Variants in CAB39 observed in about 807,000 individuals in gnomAD.
CAB39 encodes calcium binding protein 39.
In CAB39, 8 loss-of-function variants were observed where a neutral mutation model predicts 40.0. The observed-to-expected ratio is 0.20, with a 90% CI of 0.12 to 0.36. The LOEUF (loss-of-function observed/expected upper bound fraction) is 0.36. CAB39 is among the 10% of genes least tolerant of loss of function. The pLI is 1.00. For missense variants in CAB39, 270 were observed against 401.1 expected, an observed-to-expected ratio of 0.67 and a Z score of 2.79; for synonymous variants, 156 against 141.6, an observed-to-expected ratio of 1.10 and a Z score of -0.72.
At chr2:230,755,663 T>G (rs184627960) in intron 1 of CAB39, among the ~76,000 whole-genome samples, 3 of 152,362 alleles carry the variant, frequency 2.0e-5, no homozygotes, top group Non-Finnish European at 4.4e-5. Flanking sequence ...TCTTTATCTT[T>G]GCTTTTATTA....
intron 5 of CAB39, among the ~76,000 whole-genome samples, chr2:230,808,352 AGGGGTGGGG>A (rs1696241463): frequency 6.6e-6 from 1 of 152,116 alleles, no homozygotes; most frequent in Non-Finnish European, 1.5e-5. Flanking sequence ...ACTATTCTTT[AGGGGTGGGG>A]GATTCAGCAG....
intron 5 of CAB39, among the ~76,000 whole-genome samples, chr2:230,806,999 G>T (rs1696207485): frequency 6.6e-6 from 1 of 152,134 alleles, no homozygotes; most frequent in Admixed American, 6.5e-5. Context: ...TGCTTAGTCT[G>T]CTGGACTTGG....
rs1268779530 is a variant in CAB39, at chr2:230,764,999, C to CT, written c.114+4890dup. 3.3e-5 allele frequency among the ~76,000 whole-genome samples: 5 copies of CT among 150,592 alleles called. No homozygotes were observed. In the East Asian group the frequency reaches 9.8e-4, roughly 29 times the overall value. ...TTCCTAAGTTGGACCTTTTTTTTTC[C>CT]TTTTTTGAGACGGAGTCTCGCTCTG... On this transcript the variant is annotated intron_variant, in intron 2 of 8. Transcript: ENST00000258418.
intron 1 of CAB39, among the ~76,000 whole-genome samples, chr2:230,750,708 G>A (rs971081043): frequency 1.3e-5 from 2 of 152,034 alleles, no homozygotes; most frequent in Non-Finnish European, 2.9e-5. Context: ...TTTAGATGTA[G>A]GCTTAAATAG....
At position 230,736,871 on chromosome 2, in the gene CAB39, A is replaced by G. The variant is rs115578881; in HGVS notation, c.-43-23088A>G. ...TTAAATCATTTTTCTGATGCTCTGG[A>G]GCTGTGGAAGTGGCCCTTTATAATG... is the stretch of plus-strand genomic sequence containing the variant. On this transcript the variant is annotated intron_variant, in intron 1 of 8. Transcript: ENST00000258418. 2.5e-3 allele frequency among the ~76,000 whole-genome samples: 379 copies of G among 152,230 alleles called. 2 individuals carry two copies. The highest frequency in any genetic ancestry group is 8.5e-3 in the African/African-American group (354 of 41,556).
At chr2:230,797,106 A>T (rs1199299014) in intron 4 of CAB39, among the ~76,000 whole-genome samples, 2 of 152,248 alleles carry the variant, frequency 1.3e-5, no homozygotes, top group Admixed American at 6.5e-5. Context: ...CAGAGCTTGA[A>T]CAAAGGTGCT....
intron 1 of CAB39, among the ~76,000 whole-genome samples, chr2:230,734,476 C>T (rs1397059795): frequency 6.6e-6 from 1 of 152,132 alleles, no homozygotes. Context: ...TAGTACCACC[C>T]ACTGGAGCTA....
At chr2:230,719,436 A>G (rs1347630985) in intron 1 of CAB39, among the ~76,000 whole-genome samples, 1 of 152,234 alleles carries the variant, frequency 6.6e-6, no homozygotes, top group African/African-American at 2.4e-5. Context: ...GGAGGTTTAT[A>G]AATAGATCCG....
intron 1 of CAB39, among the ~76,000 whole-genome samples, chr2:230,757,300 T>TG (rs1354345921): frequency 2.0e-5 from 3 of 152,094 alleles, no homozygotes; most frequent in Admixed American, 2.0e-4. Flanking sequence ...CTCCCTATGT[T>TG]GCCGAGGCTG....
intron 1 of CAB39, among the ~76,000 whole-genome samples, chr2:230,715,708 T>G (rs990967312): frequency 6.6e-6 from 1 of 152,198 alleles, no homozygotes; most frequent in Admixed American, 6.5e-5. Flanking sequence ...TTTTTGGTTT[T>G]GTTTTGTTTT....
At chr2:230,766,993 C>G (rs1392147174) in intron 2 of CAB39, among the ~76,000 whole-genome samples, 2 of 152,044 alleles carry the variant, frequency 1.3e-5, no homozygotes, top group Non-Finnish European at 2.9e-5. Context: ...TACGCTGAAC[C>G]CATATGAAGA....
At chr2:230,771,283 A>T (rs1021838284) in intron 2 of CAB39, among the ~76,000 whole-genome samples, 2 of 152,180 alleles carry the variant, frequency 1.3e-5, no homozygotes, top group Non-Finnish European at 1.5e-5. Context: ...CCTTGTATTC[A>T]AGAGTGTTAG....
chr2:230,809,223 C>T (rs953379337), intron 5 of CAB39, among the ~76,000 whole-genome samples: 9 of 152,254 alleles, frequency 5.9e-5, no homozygotes, highest in African/African-American at 2.2e-4. Flanking sequence ...AGCTGTGGCA[C>T]TTCCCTCGTT....
chr2:230,814,006 T>TTTTTTTTTTTTTTTTTTTTTTTTTTTTA, intron 6 of CAB39, 43 bp from the exon 7 acceptor site: 1 of 469,338 alleles, frequency 2.1e-6, no homozygotes, highest in Non-Finnish European at 3.9e-6. Flanking sequence ...TTTTTTTTTT[T>TTTTTTTTTTTTTTTTTTTTTTTTTTTTA]TTTTTTGGCA....
At chr2:230,797,936 T>C (rs543194021) in intron 4 of CAB39, among the ~76,000 whole-genome samples, 8 of 152,212 alleles carry the variant, frequency 5.3e-5, no homozygotes, top group Admixed American at 5.2e-4. Context: ...AGAAAGCCAG[T>C]GCATGCAGCT....
At chr2:230,807,776 CT>C (rs2124977358) in intron 5 of CAB39, among the ~76,000 whole-genome samples, 1 of 152,308 alleles carries the variant, frequency 6.6e-6, no homozygotes, top group Non-Finnish European at 1.5e-5. Flanking sequence ...AGAGTAGATA[CT>C]TTGTTCCTGC....
chr2:230,720,353 T>C (rs563431050), intron 1 of CAB39, among the ~76,000 whole-genome samples: 20 of 152,336 alleles, frequency 1.3e-4, no homozygotes, highest in Admixed American at 9.8e-4. Context: ...ATTCTATCAC[T>C]GGTAAGAGAT....
intron 1 of CAB39, among the ~76,000 whole-genome samples, chr2:230,733,523 C>T (rs1301916944): frequency 6.6e-6 from 1 of 152,102 alleles, no homozygotes; most frequent in Non-Finnish European, 1.5e-5. Flanking sequence ...CTAAAGTATT[C>T]GACTTTGTTT....
intron 1 of CAB39, among the ~76,000 whole-genome samples, chr2:230,756,583 G>A (rs1388085645): frequency 1.3e-5 from 2 of 152,088 alleles, no homozygotes; most frequent in Non-Finnish European, 2.9e-5. Flanking sequence ...AAGAGTTGAT[G>A]AGCCTAAGAA....
Sources: allele counts gnomAD v4.1 joint callset (sites outside exome capture counted in the v4.1 genomes callset), GRCh38; gene constraint gnomAD v4.1.1; transcripts MANE v1.5; gene names NCBI Gene and HGNC (gene_info 2026-07-23, HGNC 2026-07-21).